FGF13: variants seen among roughly 807,000 people sequenced by gnomAD.
FGF13 encodes fibroblast growth factor 13, also known as fibroblast growth factor homologous factor 2.
In FGF13, 2 loss-of-function variants were observed where a neutral mutation model predicts 19.5. That is an observed-to-expected ratio of 0.10 (90% CI 0.04 to 0.32). The LOEUF (loss-of-function observed/expected upper bound fraction) is 0.32. Among genes scored for constraint, FGF13 ranks in the 10% least tolerant of loss-of-function variants. The pLI is 1.00. For missense variants in FGF13, 113 were observed against 192.7 expected (o/e 0.59, Z 2.45); for synonymous variants, 72 against 76.9 (o/e 0.94, Z 0.33).
At chrX:139,081,012 C>G (rs892330620) in intron 1 of FGF13, among the ~76,000 whole-genome samples, 2 of 111,085 alleles carry the variant, frequency 1.8e-5, no homozygotes, top group East Asian at 5.7e-4. Context: ...ATTCTCCCTC[C>G]TCCAGCCACC....
intron 3 of FGF13, among the ~76,000 whole-genome samples, chrX:138,823,373 G>A (rs140220477): frequency 0.014 from 1,607 of 111,150 alleles, 18 homozygotes; most frequent in Non-Finnish European, 0.022. Context: ...CCTCTTTCTG[G>A]GTGGAACCCA....
At chrX:139,161,382 A>G in intron 1 of FGF13, among the ~76,000 whole-genome samples, 1 of 111,886 alleles carries the variant, frequency 8.9e-6, no homozygotes, top group Middle Eastern at 4.6e-3. Context: ...CCCACAGTCA[A>G]TATCATAATG....
chrX:138,786,185 A>G (rs2090690471), intron 3 of FGF13, among the ~76,000 whole-genome samples: 1 of 111,845 alleles, frequency 8.9e-6, no homozygotes, highest in Non-Finnish European at 1.9e-5. Flanking sequence ...AAATCAAAGC[A>G]TTCACTCCTT....
intron 1 of FGF13, among the ~76,000 whole-genome samples, chrX:138,966,142 G>C (rs773541130): frequency 1.3e-4 from 15 of 111,951 alleles, no homozygotes; most frequent in Admixed American, 5.7e-4. Context: ...TTCTAGGGCA[G>C]TGCAGAAGGG....
chrX:138,677,779 C>A (rs1292921981), intron 3 of FGF13, among the ~76,000 whole-genome samples: 1 of 112,324 alleles, frequency 8.9e-6, no homozygotes, highest in Non-Finnish European at 1.9e-5. Flanking sequence ...GGTGATTCCT[C>A]AGGGATCTAG....
chrX:139,045,834 C>A (rs765759797), intron 1 of FGF13, among the ~76,000 whole-genome samples: 2 of 111,938 alleles, frequency 1.8e-5, no homozygotes, highest in South Asian at 7.5e-4. Context: ...TCACTATCTG[C>A]ATTTGGTCAC....
At chrX:139,002,693 A>G (rs1415381241) in intron 1 of FGF13, among the ~76,000 whole-genome samples, 2 of 111,437 alleles carry the variant, frequency 1.8e-5, no homozygotes, top group African/African-American at 6.5e-5. Flanking sequence ...GCTCAGTCAC[A>G]GTAAAATAGG....
intron 3 of FGF13, among the ~76,000 whole-genome samples, chrX:138,770,337 C>G (rs932686791): frequency 2.7e-5 from 3 of 110,782 alleles, no homozygotes; most frequent in African/African-American, 9.9e-5. Context: ...CACTTTTACC[C>G]CAGCTAAAAT....
chrX:138,804,336 G>A (rs2090850506), intron 3 of FGF13, among the ~76,000 whole-genome samples: 1 of 111,438 alleles, frequency 9.0e-6, no homozygotes, highest in African/African-American at 3.3e-5. Context: ...TATTTTCTCA[G>A]AAAATGCTCT....
chrX:138,692,909 A>AT lies in FGF13; in HGVS notation c.402+10074dup, dbSNP rs200126770. Reference sequence around the variant, plus strand: ...ATGTGCTCCATGACCTCTAATTTGGATTTTTTTTGTCAACTTGGCCTCAAA... The same window carrying AT: ...ATGTGCTCCATGACCTCTAATTTGGATTTTTTTTTGTCAACTTGGCCTCAAA... On this transcript the variant is annotated intron_variant, in intron 3 of 4. Transcript: ENST00000315930. Among the ~76,000 whole-genome samples, 914 of 110,625 alleles carry AT rather than the reference A, an allele frequency of 8.3e-3. 3 individuals carry two copies. The highest frequency in any genetic ancestry group is 0.012 in the Non-Finnish European group (640 of 52,674).
At chrX:138,647,483 C>A (rs2089320610) in intron 3 of FGF13, among the ~76,000 whole-genome samples, 1 of 111,492 alleles carries the variant, frequency 9.0e-6, no homozygotes, top group Non-Finnish European at 1.9e-5. Context: ...TATGGCTCTA[C>A]AGAAACCACT....
intron 3 of FGF13, among the ~76,000 whole-genome samples, chrX:138,794,522 G>C (rs1168327416): frequency 8.9e-6 from 1 of 111,790 alleles, no homozygotes; most frequent in African/African-American, 3.3e-5. Flanking sequence ...GTTTCACTCA[G>C]TTAACAGGCC....
intron 1 of FGF13, among the ~76,000 whole-genome samples, chrX:139,196,042 A>G (rs1569463379): frequency 8.9e-6 from 1 of 111,782 alleles, no homozygotes; most frequent in East Asian, 2.8e-4. Context: ...GACATTTGTT[A>G]ACAAGAAAAG....
At chrX:138,847,122 G>A (rs202241769) in intron 3 of FGF13, among the ~76,000 whole-genome samples, 1 of 111,778 alleles carries the variant, frequency 8.9e-6, no homozygotes, top group Non-Finnish European at 1.9e-5. Flanking sequence ...TGGAGCAAGA[G>A]GGGGGAAACT....
rs770052396 is a variant in FGF13 at position 138,805,072 on chromosome X, G to C, written c.217+52440C>G. Among the ~76,000 whole-genome samples, 220 of 111,826 alleles carry C rather than the reference G, an allele frequency of 2.0e-3. 1 individual carries two copies. Among genetic ancestry groups the C allele is most frequent in the Non-Finnish European group, 3.6e-3 (192 of 53,087 alleles). Reference sequence around the variant, plus strand: ...TCTTGACACGAATCAAATTGAAAAGGCAGATGCTTTAAGCAGGTGAAATAT... The same window carrying C: ...TCTTGACACGAATCAAATTGAAAAGCCAGATGCTTTAAGCAGGTGAAATAT... On this transcript the variant is annotated intron_variant, in intron 3 of 6. Transcript: ENST00000436198.
chrX:139,061,747 G>C (rs1377351652), intron 1 of FGF13, among the ~76,000 whole-genome samples: 1 of 110,798 alleles, frequency 9.0e-6, no homozygotes, highest in Non-Finnish European at 1.9e-5. Flanking sequence ...TTGTTTTTTT[G>C]ATAATAGCCA....
intron 2 of FGF13, among the ~76,000 whole-genome samples, chrX:138,705,692 T>C (rs1005272765): frequency 8.9e-6 from 1 of 112,062 alleles, no homozygotes; most frequent in Non-Finnish European, 1.9e-5. Flanking sequence ...AGGGACAGTC[T>C]GCCCAGATAA....
intron 1 of FGF13, among the ~76,000 whole-genome samples, chrX:138,964,482 G>C (rs2091887228): frequency 8.9e-6 from 1 of 111,761 alleles, no homozygotes; most frequent in African/African-American, 3.3e-5. Context: ...GGGCACAGTG[G>C]ATATTTATCC....
intron 1 of FGF13, among the ~76,000 whole-genome samples, chrX:139,030,388 T>G (rs1763036503): frequency 9.0e-6 from 1 of 111,533 alleles, no homozygotes; most frequent in African/African-American, 3.3e-5. Flanking sequence ...TAGCTTCAAA[T>G]AATTCACCAG....
Sources: allele counts gnomAD v4.1 joint callset (sites outside exome capture counted in the v4.1 genomes callset), GRCh38; gene constraint gnomAD v4.1.1; transcripts MANE v1.5; gene names NCBI Gene and HGNC (gene_info 2026-07-23, HGNC 2026-07-21).